RBFOX1: variants seen among roughly 807,000 people sequenced by gnomAD.
RBFOX1 encodes RNA binding fox-1 homolog 1, also known as RNA binding protein fox-1 homolog 1.
Under a neutral mutation model 57.7 loss-of-function variants are expected in RBFOX1, and 8 were observed. The ratio of observed to expected loss-of-function variants is 0.14; its 90% CI spans 0.08 to 0.25. The LOEUF is 0.25. Ranked by LOEUF, RBFOX1 falls within the 10% of genes least tolerant of loss-of-function variation. RBFOX1 has a pLI of 1.00. For synonymous variants in RBFOX1, 326 were observed against 222.4 expected (o/e 1.47, Z -4.15); for missense variants, 611 against 548.5 (o/e 1.11, Z -1.14).
intron 1 of RBFOX1, among the ~76,000 whole-genome samples, chr16:5,343,491 T>TTTG (rs1555495753): frequency 6.6e-6 from 1 of 150,598 alleles, no homozygotes; most frequent in African/African-American, 2.4e-5. Flanking sequence ...ATTTTTTTTT[T>TTTG]TGTGTATTTT....
intron 4 of RBFOX1, among the ~76,000 whole-genome samples, chr16:7,230,914 T>G (rs934715718): frequency 6.6e-6 from 1 of 152,192 alleles, no homozygotes; most frequent in Non-Finnish European, 1.5e-5. Flanking sequence ...TTCCCAAGGT[T>G]ACTGGTGTTA....
intron 3 of RBFOX1, among the ~76,000 whole-genome samples, chr16:6,914,564 A>T (rs201892364): frequency 6.7e-6 from 1 of 149,214 alleles, no homozygotes; most frequent in Non-Finnish European, 1.5e-5. Context: ...AAACAAAAAT[A>T]AAAAAAAAAA....
intron 2 of RBFOX1, among the ~76,000 whole-genome samples, chr16:5,584,535 C>G (rs920556216): frequency 1.3e-5 from 2 of 152,174 alleles, no homozygotes; most frequent in African/African-American, 2.4e-5. Flanking sequence ...GGCACAGAGA[C>G]CAAGGGTAGG....
At chr16:6,450,822 T>TACAC (rs2094592560) in intron 2 of RBFOX1, among the ~76,000 whole-genome samples, 1 of 32,870 alleles carries the variant, frequency 3.0e-5, no homozygotes, top group African/African-American at 1.9e-4. Flanking sequence ...TATATACATA[T>TACAC]ATATATATAT....
intron 4 of RBFOX1, among the ~76,000 whole-genome samples, chr16:7,392,739 C>T (rs907206939): frequency 3.9e-5 from 6 of 152,218 alleles, no homozygotes; most frequent in Non-Finnish European, 7.4e-5. Flanking sequence ...GTGGTTTTGG[C>T]TATTGGTCAT....
intron 3 of RBFOX1, among the ~76,000 whole-genome samples, chr16:5,853,635 C>T (rs1448181601): frequency 6.6e-6 from 1 of 152,226 alleles, no homozygotes; most frequent in Non-Finnish European, 1.5e-5. Flanking sequence ...TCAGAAAAGA[C>T]AGCCCAGCTT....
At chr16:5,978,255 A>G (rs2060106688) in intron 4 of RBFOX1, among the ~76,000 whole-genome samples, 1 of 150,622 alleles carries the variant, frequency 6.6e-6, no homozygotes, top group South Asian at 2.1e-4. Flanking sequence ...TGGAGGCTGC[A>G]GTGAGCTATG....
intron 2 of RBFOX1, among the ~76,000 whole-genome samples, chr16:5,561,113 A>C (rs536605277): frequency 9.2e-4 from 140 of 152,298 alleles, no homozygotes; most frequent in Non-Finnish European, 1.7e-3. Context: ...CAACACTGTG[A>C]CTATGTCCAT....
chr16:7,159,368 G>T lies in RBFOX1; in HGVS notation c.27+107270G>T, dbSNP rs190473242. 8.5e-5 allele frequency among the ~76,000 whole-genome samples: 13 copies of T among 152,218 alleles called. No individual in the cohort carries two copies. In the East Asian group the frequency reaches 1.6e-3, roughly 18 times the overall value. ...GGCAAGCCCCTGGTGAACCTGCTTG[G>T]CTTACATGTATGTGCTGATATTTGA... On this transcript the variant is annotated intron_variant, in intron 4 of 15. Transcript: ENST00000550418.
chr16:6,485,024 G>T (rs867553203), intron 2 of RBFOX1, among the ~76,000 whole-genome samples: 1 of 152,164 alleles, frequency 6.6e-6, no homozygotes, highest in Non-Finnish European at 1.5e-5. Flanking sequence ...ATGTGTGCTG[G>T]AAAATCCAAA....
chr16:6,457,438 T>TG (rs757540836), intron 2 of RBFOX1, among the ~76,000 whole-genome samples: 2 of 54,228 alleles, frequency 3.7e-5, no homozygotes. Context: ...TTTCCGGAAG[T>TG]CCCCCCCCCC....
intron 4 of RBFOX1, among the ~76,000 whole-genome samples, chr16:7,120,165 T>C (rs538910042): frequency 6.6e-6 from 1 of 152,146 alleles, no homozygotes; most frequent in South Asian, 2.1e-4. Flanking sequence ...TTTTACAAAA[T>C]ATATGGTGGG....
At chr16:7,036,734 GAAAA>G (rs869242850) in intron 3 of RBFOX1, among the ~76,000 whole-genome samples, 3 of 51,624 alleles carry the variant, frequency 5.8e-5, no homozygotes, top group Non-Finnish European at 1.6e-4. Flanking sequence ...AACAAACAAA[GAAAA>G]AAAAAAAGAA....
At chr16:7,628,237 G>C (rs146390753) in intron 10 of RBFOX1, among the ~76,000 whole-genome samples, 2 of 152,086 alleles carry the variant, frequency 1.3e-5, no homozygotes, top group African/African-American at 4.8e-5. Flanking sequence ...TAAACCAGGC[G>C]TGCACAGGAG....
chr16:5,470,697 A>G (rs1027492215), intron 2 of RBFOX1, among the ~76,000 whole-genome samples: 2 of 152,066 alleles, frequency 1.3e-5, no homozygotes, highest in African/African-American at 4.8e-5. Context: ...AGCTGAGGTA[A>G]CCTGCCCACA....
intron 1 of RBFOX1, among the ~76,000 whole-genome samples, chr16:6,179,197 C>T (rs1029913124): frequency 3.3e-5 from 5 of 152,112 alleles, no homozygotes; most frequent in East Asian, 1.9e-4. Context: ...GCAGTGGAGA[C>T]GACAGTGGGG....
intron 3 of RBFOX1, among the ~76,000 whole-genome samples, chr16:6,767,854 C>T (rs111510977): frequency 3.3e-4 from 50 of 151,126 alleles, no homozygotes; most frequent in African/African-American, 1.1e-3. Context: ...GTGGAGGTTG[C>T]AGTGAGCCGA....
chr16:6,907,480 A>G (rs982917384), intron 3 of RBFOX1, among the ~76,000 whole-genome samples: 1 of 152,192 alleles, frequency 6.6e-6, no homozygotes, highest in African/African-American at 2.4e-5. Flanking sequence ...GAAGTGTGAG[A>G]TCAAGATGCC....
At chr16:7,446,447 C>G (rs752634408) in intron 4 of RBFOX1, among the ~76,000 whole-genome samples, 2 of 152,184 alleles carry the variant, frequency 1.3e-5, no homozygotes, top group African/African-American at 2.4e-5. Context: ...TTCTCCCTCA[C>G]TGTTGTGGGG....
Sources: allele counts gnomAD v4.1 joint callset (sites outside exome capture counted in the v4.1 genomes callset), GRCh38; gene constraint gnomAD v4.1.1; transcripts MANE v1.5; gene names NCBI Gene and HGNC (gene_info 2026-07-23, HGNC 2026-07-21).